PRC1: variants seen among roughly 807,000 people sequenced by gnomAD.
The protein encoded by PRC1 is protein regulator of cytokinesis 1.
PRC1 carries 54 observed loss-of-function variants against 91.2 expected under a neutral mutation model. The observed-to-expected ratio is 0.59, with a 90% CI of 0.48 to 0.74. The LOEUF is 0.74. PRC1 is among the 30% of genes least tolerant of loss of function. The probability of loss-of-function intolerance (pLI) is 0.00; values close to 1 mark genes in which losing one functional copy is unlikely to be tolerated. For missense variants in PRC1, 727 were observed against 746.2 expected (o/e 0.97, Z 0.30); for synonymous variants, 275 against 263.6 (o/e 1.04, Z -0.42).
chr15:90,979,286 T>C lies in PRC1; in HGVS notation c.979A>G (p.Thr327Ala). The C allele has an allele frequency of 1.2e-6, 2 of 1,613,396 alleles. No homozygotes were observed. The highest frequency in any genetic ancestry group is 1.7e-6 in the Non-Finnish European group (2 of 1,179,814). ...TCGTGGAGCTGGAGCAGACTTTCTG[T>C]GTAGTCCTCTGCAAAATATAGGCCC... ...AFAPFCAEDYTESLLQLHDAE... is the reference protein window; with the variant it reads ...AFAPFCAEDYAESLLQLHDAE... The change falls in exon 8 of 15, where the codon ACA becomes GCA. Residue 327 changes from threonine to alanine, a missense_variant. Physicochemically the swap from Thr to Ala is moderately conservative, Grantham distance 58. Transcript: ENST00000394249.
At position 90,980,920 on chromosome 15, in the gene PRC1, G is replaced by A. The variant is rs200105515; in HGVS notation, c.786C>T (p.Thr262=). Residue 262 remains threonine (T), a synonymous_variant, in exon 6 of 15, where the codon ACC becomes ACT. Transcript: ENST00000394249. ...CCTTGGCCTTTGACCCAGACATAAT[G>A]GTGGCCACAGCTTCTCTTTCTTCTT... ...IPEEEREAVA[T]IMSGSKAKVR... is the part of the protein sequence containing the mutation. 3.7e-6 allele frequency: 6 copies of A among 1,614,146 alleles called. No homozygotes were observed. In the East Asian group the frequency reaches 8.9e-5, roughly 24 times the overall value.
intron 11 of PRC1, among the ~76,000 whole-genome samples, chr15:90,973,675 C>T (rs1051418940): frequency 3.9e-5 from 6 of 152,212 alleles, no homozygotes; most frequent in South Asian, 2.1e-4. Flanking sequence ...AGGCGAGATA[C>T]GCTGGCGGCA....
chr15:90,984,626 C>T lies in PRC1; in HGVS notation c.144+67G>A. On this transcript the variant is annotated intron_variant, in intron 2 of 14. Transcript: ENST00000394249. The surrounding 1 kb of genome is among the most constrained non-coding windows in gnomAD (Gnocchi z 5.1). ...GATGATCACATGTCCCTTCTGTATG[C>T]TATCTCGGGTGAGACACCAACATCC... 1.3e-6 allele frequency: 2 copies of T among 1,581,370 alleles called. No individual in the cohort carries two copies. The highest frequency in any genetic ancestry group is 1.7e-6 in the Non-Finnish European group (2 of 1,157,324).
rs67427806 is a variant in PRC1 at position 90,993,070 on chromosome 15, C to CAAAAA, written c.11+1332_11+1336dup. On this transcript the variant is annotated intron_variant, in intron 1 of 14. Coordinates refer to ENST00000394249, the MANE Select transcript of PRC1 (RefSeq NM_003981.4). Reference sequence around the variant, plus strand: ...TGGGCGACAGAGTGAGACCCCGTCTCAAAAAAAAAAAAAAAAAAAAAAAAA... The same window carrying CAAAAA: ...TGGGCGACAGAGTGAGACCCCGTCTCAAAAAAAAAAAAAAAAAAAAAAAAAAAAAA... 9.6e-3 allele frequency among the ~76,000 whole-genome samples: 296 copies of CAAAAA among 30,934 alleles called. 23 individuals carry two copies. Among genetic ancestry groups the CAAAAA allele is most frequent in the Non-Finnish European group, 0.016 (245 of 15,502 alleles). The allele number at this position is 30,934 out of a possible 152,430, so 20.3% of individuals were successfully genotyped here.
chr15:90,984,205 C>T lies in PRC1; in HGVS notation c.145-65G>A, dbSNP rs2039416971. ...AGGAAAAAAACTCCCAACACCAATACCAAACTCCTCAAATTTCTTTTTTCT... is the reference window on the plus strand; with the variant it reads ...AGGAAAAAAACTCCCAACACCAATATCAAACTCCTCAAATTTCTTTTTTCT... On this transcript the variant is annotated intron_variant, in intron 2 of 14. Transcript: ENST00000394249. The surrounding 1 kb of genome is among the most constrained non-coding windows in gnomAD (Gnocchi z 5.1). 2 of 1,560,284 alleles carry T rather than the reference C, an allele frequency of 1.3e-6. No homozygotes were observed. Among genetic ancestry groups the T allele is most frequent in the Non-Finnish European group, 1.7e-6 (2 of 1,148,862 alleles).
At position 90,976,738 on chromosome 15, in the gene PRC1, G is replaced by T. The variant is rs574886074; in HGVS notation, c.1141C>A (p.Arg381=). ...TCTTCTTTTAGAAGATTTCCTCCTCGGTTTGTAAATCGATTTGGATCTGAA... is the reference window on the plus strand; with the variant it reads ...TCTTCTTTTAGAAGATTTCCTCCTCTGTTTGTAAATCGATTTGGATCTGAA... ...KASDPNRFTN[R]GGNLLKEEKQ... The change falls in exon 9 of 15, where the codon CGA becomes AGA. Residue 381 remains arginine (R), a synonymous_variant. Transcript: ENST00000394249. The T allele has an allele frequency of 2.5e-6, 4 of 1,613,344 alleles. No individual in the cohort carries two copies. In the African/African-American group the frequency reaches 4.0e-5, roughly 16 times the overall value.
intron 14 of PRC1, chr15:90,967,901 C>T: frequency 1.0e-6 from 1 of 985,436 alleles, no homozygotes; most frequent in Non-Finnish European, 1.2e-6. Flanking sequence ...GTCTCTTGAG[C>T]CCTTTATAAA....
At position 90,974,170 on chromosome 15, in the gene PRC1, C is replaced by T. The variant is rs200154749; in HGVS notation, c.1427G>A (p.Gly476Glu). 6 of 1,614,070 alleles carry T rather than the reference C, an allele frequency of 3.7e-6. No homozygotes were observed. The highest frequency in any genetic ancestry group is 3.3e-5 in the Admixed American group (2 of 60,002). The change falls in exon 11 of 15, where the codon GGA (glycine) becomes GAA (glutamate). Residue 476 changes from glycine (G) to glutamate (E), a missense_variant. By Grantham distance (98) the Gly-to-Glu change is moderately conservative. Transcript: ENST00000394249. The surrounding 1 kb of genome is among the most constrained non-coding windows in gnomAD (Gnocchi z 4.6). Reference protein sequence around the residue: ...SAPRTPSKRRGLAPNTPGKAR... With the variant: ...SAPRTPSKRRELAPNTPGKAR... ...TTTGCCCGGTGTATTGGGAGCCAGTCCTCGCCGCTTGCTAGGTGTTCGAGG... is the reference window on the plus strand; with the variant it reads ...TTTGCCCGGTGTATTGGGAGCCAGTTCTCGCCGCTTGCTAGGTGTTCGAGG...
intron 12 of PRC1, 118 bp from the exon 13 acceptor site, chr15:90,969,741 T>A: frequency 4.5e-6 from 2 of 447,548 alleles, no homozygotes; most frequent in East Asian, 3.5e-5. Context: ...TATAATCCTA[T>A]ACTTTTTAGT....
At chr15:90,988,098 A>C (rs1362812368) in intron 1 of PRC1, 2 of 152,232 alleles carry the variant, frequency 1.3e-5, no homozygotes, top group Non-Finnish European at 2.9e-5. Context: ...GTTAACAGTA[A>C]GTAAGGCATT....
intron 12 of PRC1, among the ~76,000 whole-genome samples, chr15:90,969,953 T>C (rs2037956613): frequency 6.6e-6 from 1 of 152,094 alleles, no homozygotes; most frequent in Non-Finnish European, 1.5e-5. Context: ...ATTCTTGATT[T>C]ACAGAACACC....
At chr15:90,982,589 A>G (rs1306942899) in intron 3 of PRC1, 1 of 152,870 alleles carries the variant, frequency 6.5e-6, no homozygotes, top group Non-Finnish European at 1.5e-5. Context: ...TTTACTAAAA[A>G]TAGAAAAATT....
At chr15:90,991,390 A>C (rs2039973411) in intron 1 of PRC1, among the ~76,000 whole-genome samples, 1 of 151,298 alleles carries the variant, frequency 6.6e-6, no homozygotes, top group Non-Finnish European at 1.5e-5. Context: ...ATGCCATTGC[A>C]CTCCAGCCTG....
intron 7 of PRC1, among the ~76,000 whole-genome samples, 160 bp downstream of exon 7, chr15:90,980,082 G>T (rs2039057204): frequency 1.3e-5 from 2 of 152,208 alleles, no homozygotes; most frequent in Non-Finnish European, 2.9e-5. Flanking sequence ...TAGTGAGCAG[G>T]CCACATGAAG....
chr15:90,982,347 TCAAA>T (rs1343620501), intron 3 of PRC1, among the ~76,000 whole-genome samples: 2 of 152,162 alleles, frequency 1.3e-5, no homozygotes, highest in Non-Finnish European at 2.9e-5. Context: ...AACTTCATAC[TCAAA>T]CAAATAAGTC....
At chr15:90,971,617 C>A (rs1389103275) in intron 11 of PRC1, among the ~76,000 whole-genome samples, 1 of 147,258 alleles carries the variant, frequency 6.8e-6, no homozygotes, top group African/African-American at 2.5e-5. Flanking sequence ...TAAAAAAATT[C>A]TAGGGGGCCG....
At chr15:90,976,936 AC>A (rs200262464) in intron 8 of PRC1, among the ~76,000 whole-genome samples, 165 bp from the exon 9 acceptor site, 3,313 of 152,092 alleles carry the variant, frequency 0.022, 125 homozygotes, top group African/African-American at 0.076. Flanking sequence ...TTCCAGACCA[AC>A]CTGGCCAACA....
chr15:90,983,304 G>T (rs957472719), intron 3 of PRC1, among the ~76,000 whole-genome samples: 1 of 152,144 alleles, frequency 6.6e-6, no homozygotes, highest in Non-Finnish European at 1.5e-5. Context: ...AGAACCTTAT[G>T]GGTGTACTCA....
rs2037557827 is a variant in PRC1 at position 90,967,048 on chromosome 15, T to TA, written c.*82_*83insT. 1 of 1,288,206 alleles carries TA rather than the reference T, an allele frequency of 7.8e-7. No homozygotes were observed. Among genetic ancestry groups the TA allele is most frequent in the Non-Finnish European group, 1.1e-6 (1 of 890,984 alleles). The allele number at this position is 1,288,206 out of a possible 1,614,324, so 79.8% of individuals were successfully genotyped here. A position where few individuals can be genotyped will look rare whatever the true frequency, so the allele number is the denominator to read the frequency against. On this transcript the variant is annotated 3_prime_UTR_variant, in exon 15 of 15. Coordinates refer to ENST00000394249, the MANE Select transcript of PRC1 (RefSeq NM_003981.4). ...GCCAAGGTTTCAAGCACGCCTAAGCTGAAGAAAAACTAAAGTCACCCCCAT... is the reference window on the plus strand; with the variant it reads ...GCCAAGGTTTCAAGCACGCCTAAGCTAGAAGAAAAACTAAAGTCACCCCCAT...
Sources: allele counts gnomAD v4.1 joint callset (sites outside exome capture counted in the v4.1 genomes callset), GRCh38; gene constraint gnomAD v4.1.1; non-coding constraint Gnocchi (gnomAD v3.1); transcripts MANE v1.5; gene names NCBI Gene and HGNC (gene_info 2026-07-23, HGNC 2026-07-21).